MDH2: variants seen among roughly 807,000 people sequenced by gnomAD.
MDH2 encodes malate dehydrogenase, mitochondrial.
In MDH2, 25 loss-of-function variants were observed where a neutral mutation model predicts 33.6. That is an observed-to-expected ratio of 0.74 (90% CI 0.54 to 1.04). The LOEUF (loss-of-function observed/expected upper bound fraction) is 1.04, where lower values mean the gene tolerates loss of function less well. Among genes scored for constraint, MDH2 ranks in the 50% least tolerant of loss-of-function variants. MDH2 has a pLI of 0.00. For missense variants in MDH2, 432 were observed against 445.0 expected, an observed-to-expected ratio of 0.97 and a Z score of 0.26; for synonymous variants, 193 against 188.7, an observed-to-expected ratio of 1.02 and a Z score of -0.19.
chr7:76,048,616 C>G, intron 1 of MDH2: 1 of 1,280,260 alleles, frequency 7.8e-7, no homozygotes, highest in Non-Finnish European at 9.8e-7. Context: ...TTGCAGCATC[C>G]GTGTGAGTTG....
intron 4 of MDH2, 50 bp downstream of exon 4, chr7:76,058,128 C>A: frequency 1.3e-6 from 2 of 1,520,836 alleles, no homozygotes; most frequent in Non-Finnish European, 1.8e-6. Flanking sequence ...TGTTTAGGTG[C>A]TGACAGTGCG....
chr7:76,063,828 C>A (rs1022523763), intron 6 of MDH2, among the ~76,000 whole-genome samples: 1 of 152,250 alleles, frequency 6.6e-6, no homozygotes, highest in Admixed American at 6.5e-5. Flanking sequence ...CTGTTGGGAA[C>A]CTCACCGGGT....
chr7:76,060,347 C>T, intron 4 of MDH2, 26 bp from the exon 5 acceptor site: 1 of 1,612,552 alleles, frequency 6.2e-7, no homozygotes, highest in Non-Finnish European at 8.5e-7. Context: ...CCAGGGCAAG[C>T]CATGCCTGTC....
At chr7:76,050,708 G>A (rs2868203) in intron 1 of MDH2, among the ~76,000 whole-genome samples, 83,119 of 151,950 alleles carry the variant, frequency 0.55, 25,211 homozygotes, top group Non-Finnish European at 0.7. Context: ...TCTAGGTGCA[G>A]GTGGTAAGAA....
rs782717623 is a variant in MDH2 at position 76,054,937 on chromosome 7, C to T, written c.174C>T (p.Ile58=). The T allele has an allele frequency of 3.2e-5, 51 of 1,613,978 alleles. No homozygotes were observed. Among genetic ancestry groups the T allele is most frequent in the Non-Finnish European group, 4.3e-5 (51 of 1,180,030 alleles). Residue 58 remains isoleucine (I), a synonymous_variant, in exon 2 of 9, where the codon ATC becomes ATT. Transcript: ENST00000315758. ...TGAGCCGCCTGACCCTCTATGATAT[C>T]GCGCACACACCCGGAGTGGCCGCAG... ...PLVSRLTLYD[I]AHTPGVAADL... is the part of the protein sequence containing the mutation.
chr7:76,056,464 A>T (rs1356592842), intron 2 of MDH2, among the ~76,000 whole-genome samples: 3 of 152,166 alleles, frequency 2.0e-5, no homozygotes, highest in East Asian at 3.8e-4. Context: ...GCTGCCTGGC[A>T]AATTTTATGT....
At chr7:76,051,038 G>A (rs1474078963) in intron 1 of MDH2, among the ~76,000 whole-genome samples, 1 of 151,668 alleles carries the variant, frequency 6.6e-6, no homozygotes, top group Admixed American at 6.6e-5. Flanking sequence ...CTGCCACCAC[G>A]CCCAACTAAT....
chr7:76,064,088 CT>C (rs1401804798), intron 6 of MDH2, among the ~76,000 whole-genome samples: 204 of 145,148 alleles, frequency 1.4e-3, no homozygotes, highest in Middle Eastern at 3.6e-3. Flanking sequence ...TTCACTTCGT[CT>C]TTTTTTTTTT....
chr7:76,056,156 C>T lies in MDH2; in HGVS notation c.235+1158C>T, dbSNP rs974005756. 3.8e-4 allele frequency among the ~76,000 whole-genome samples: 58 copies of T among 152,148 alleles called. 1 individual carries two copies. Among genetic ancestry groups the T allele is most frequent in the African/African-American group, 1.4e-3 (56 of 41,424 alleles). On this transcript the variant is annotated intron_variant, in intron 2 of 8. Coordinates refer to ENST00000315758, the MANE Select transcript of MDH2 (RefSeq NM_005918.4). Reference sequence around the variant, plus strand: ...ATTCTTGATAAAATTATTCTTAAAGCTGTAATTTATCATTTATGATAGCTC... The same window carrying T: ...ATTCTTGATAAAATTATTCTTAAAGTTGTAATTTATCATTTATGATAGCTC...
chr7:76,048,446 G>A, intron 1 of MDH2: 1 of 1,127,236 alleles, frequency 8.9e-7, no homozygotes, highest in Non-Finnish European at 1.2e-6. Flanking sequence ...CCGCTCCAGG[G>A]CCGGTCCATT....
At position 76,064,861 on chromosome 7, in the gene MDH2, G is replaced by T; in HGVS notation, c.793G>T (p.Ala265Ser). The part of the protein sequence containing the change: ...GARFVFSLVD[A>S]MNGKEGVVEC... ...CCGCTTTGTCTTCTCCCTTGTGGAT[G>T]CAATGAATGGAAAGGAAGGTGTTGT... is the stretch of plus-strand genomic sequence containing the variant. Residue 265 changes from alanine to serine, a missense_variant, in exon 8 of 9, where the codon GCA (alanine) becomes TCA (serine). Ala to Ser is a moderately conservative substitution (Grantham distance 99). Coordinates refer to ENST00000315758, the MANE Select transcript of MDH2 (RefSeq NM_005918.4). 6.2e-7 allele frequency: 1 copy of T among 1,614,204 alleles called. No homozygotes were observed. Among genetic ancestry groups the T allele is most frequent in the Non-Finnish European group, 8.5e-7 (1 of 1,180,038 alleles).
intron 8 of MDH2, chr7:76,065,266 A>C (rs1798064663): frequency 3.8e-6 from 1 of 262,286 alleles, no homozygotes; most frequent in Non-Finnish European, 7.3e-6. Flanking sequence ...ACCCCGCCTG[A>C]ACACCTCCCT....
rs782365031 is a variant in MDH2 at position 76,058,024 on chromosome 7, C to T, written c.375C>T (p.Thr125=). The T allele has an allele frequency of 2.0e-5, 32 of 1,613,878 alleles. No individual in the cohort carries two copies. The highest frequency in any genetic ancestry group is 1.8e-4 in the East Asian group (8 of 44,896). ...ATGCCACGATTGTGGCCACCCTGAC[C>T]GCTGCCTGTGCCCAGCACTGCCCGG... ...NTNATIVATL[T]AACAQHCPEA... The change falls in exon 4 of 9, where the codon ACC becomes ACT. Residue 125 remains threonine (T), a synonymous_variant. Coordinates refer to ENST00000315758, the MANE Select transcript of MDH2 (RefSeq NM_005918.4).
At chr7:76,063,692 G>A (rs1798013968) in intron 6 of MDH2, 100 bp downstream of exon 6, 4 of 1,200,560 alleles carry the variant, frequency 3.3e-6, no homozygotes, top group South Asian at 1.2e-5. Context: ...GCCTGGCCAC[G>A]TGCCAGGTTT....
intron 4 of MDH2, among the ~76,000 whole-genome samples, chr7:76,058,822 T>A (rs939821964): frequency 1.8e-4 from 28 of 152,240 alleles, no homozygotes; most frequent in Admixed American, 1.8e-3. Flanking sequence ...ACAGCTGATC[T>A]GATAACCAAA....
At chr7:76,060,554 G>A (rs1322825120) in intron 5 of MDH2, 56 bp downstream of exon 5, 16 of 1,600,560 alleles carry the variant, frequency 1.0e-5, no homozygotes, top group Admixed American at 1.7e-5. Context: ...CCCGCCACCC[G>A]TGCTCATTTA....
intron 5 of MDH2, among the ~76,000 whole-genome samples, chr7:76,061,135 C>T (rs1400629333): frequency 6.6e-6 from 1 of 152,154 alleles, no homozygotes; most frequent in Non-Finnish European, 1.5e-5. Context: ...CTTTGCACAG[C>T]CTGCTTTCGA....
In MDH2 at chr7:76,051,793, A is replaced by G. The variant is rs527647637; in HGVS notation, c.67-3037A>G. Among the ~76,000 whole-genome samples the G allele has an allele frequency of 6.6e-5, 10 of 152,356 alleles. No individual in the cohort carries two copies. The East Asian group carries it at 1.7e-3, about 26-fold the overall frequency. On this transcript the variant is annotated intron_variant, in intron 1 of 8. Transcript: ENST00000315758. Reference sequence around the variant, plus strand: ...TTATAAATGAAGGCAGTGTTAACATATGTCGGTTTTCAACACAGTTGCCAA... The same window carrying G: ...TTATAAATGAAGGCAGTGTTAACATGTGTCGGTTTTCAACACAGTTGCCAA...
intron 8 of MDH2, among the ~76,000 whole-genome samples, chr7:76,065,803 C>T (rs1488030635): frequency 1.3e-5 from 2 of 152,188 alleles, no homozygotes; most frequent in Non-Finnish European, 2.9e-5. Flanking sequence ...AGACATTTAC[C>T]TACTTAGTGA....
Sources: allele counts gnomAD v4.1 joint callset (sites outside exome capture counted in the v4.1 genomes callset), GRCh38; gene constraint gnomAD v4.1.1; transcripts MANE v1.5; gene names NCBI Gene and HGNC (gene_info 2026-07-23, HGNC 2026-07-21).